Variants in RIMS2 observed in about 807,000 individuals in gnomAD.
RIMS2 encodes the protein regulating synaptic membrane exocytosis protein 2.
Under a neutral mutation model 174.4 loss-of-function variants are expected in RIMS2, and 59 were observed. The observed-to-expected ratio is 0.34, with a 90% CI of 0.27 to 0.42. The LOEUF (loss-of-function observed/expected upper bound fraction) is 0.42. Among genes scored for constraint, RIMS2 ranks in the 10% least tolerant of loss-of-function variants. The pLI, the probability that RIMS2 is intolerant of heterozygous loss-of-function variation, is 1.00. For synonymous variants in RIMS2, 606 were observed against 572.5 expected, an observed-to-expected ratio of 1.06 and a Z score of -0.84; for missense variants, 1,620 against 1,666.3, an observed-to-expected ratio of 0.97 and a Z score of 0.48.
intron 2 of RIMS2, among the ~76,000 whole-genome samples, chr8:103,754,148 C>G (rs566603685): frequency 2.2e-4 from 34 of 152,266 alleles, no homozygotes; most frequent in African/African-American, 7.2e-4. Context: ...TTATTGGTTT[C>G]AAAGAACATC....
intron 17 of RIMS2, among the ~76,000 whole-genome samples, chr8:104,009,019 G>A (rs1311902261): frequency 3.3e-5 from 5 of 151,926 alleles, no homozygotes; most frequent in South Asian, 2.1e-4. Context: ...CATTAGAAAC[G>A]ATGCTAAAAT....
chr8:103,808,511 CAG>C, intron 3 of RIMS2, among the ~76,000 whole-genome samples: 1 of 152,112 alleles, frequency 6.6e-6, no homozygotes, highest in East Asian at 1.9e-4. Flanking sequence ...TTCTGAACTG[CAG>C]AGTGACATAT....
chr8:103,736,528 A>AAT (rs1005887712), intron 2 of RIMS2, among the ~76,000 whole-genome samples: 1 of 152,196 alleles, frequency 6.6e-6, no homozygotes, highest in Non-Finnish European at 1.5e-5. Flanking sequence ...TATTAGTGAG[A>AAT]ATATGGCCTT....
Position 103,782,433 on chromosome 8 carries a change from C to CGTGTGTGT in RIMS2, c.698+15923_698+15930dup, listed in dbSNP as rs71297237. Among the ~76,000 whole-genome samples, 107 of 145,830 alleles carry CGTGTGTGT rather than the reference C, an allele frequency of 7.3e-4. 1 individual carries two copies. Among genetic ancestry groups the CGTGTGTGT allele is most frequent in the African/African-American group, 2.4e-3 (94 of 39,644 alleles). On this transcript the variant is annotated intron_variant, in intron 3 of 23. Coordinates refer to ENST00000504942, the Ensembl canonical transcript of RIMS2. Reference sequence around the variant, plus strand: ...AAATGCTATCATGATACATAAATCCCGTGTGTGTGTGTGTGTGTGTGTGTG... The same window carrying CGTGTGTGT: ...AAATGCTATCATGATACATAAATCCCGTGTGTGTGTGTGTGTGTGTGTGTGTGTGTGTG...
intron 1 of RIMS2, among the ~76,000 whole-genome samples, chr8:103,588,183 A>C (rs1334638009): frequency 1.3e-5 from 2 of 151,918 alleles, no homozygotes; most frequent in Admixed American, 1.3e-4. Flanking sequence ...CCTAGAAATT[A>C]GCTTAATCAA....
chr8:104,098,141 G>T (rs903891162), intron 19 of RIMS2, among the ~76,000 whole-genome samples: 6 of 152,066 alleles, frequency 3.9e-5, no homozygotes, highest in Non-Finnish European at 7.4e-5. Context: ...ATAGCAAAAA[G>T]TAAGTTCAAA....
intron 1 of RIMS2, among the ~76,000 whole-genome samples, chr8:103,505,021 T>C (rs1420198378): frequency 6.6e-6 from 1 of 151,814 alleles, no homozygotes; most frequent in East Asian, 1.9e-4. Context: ...TCGACTAATT[T>C]ATTTTTTATT....
intron 3 of RIMS2, chr8:103,819,647 A>G (rs2154472164): frequency 3.8e-6 from 6 of 1,569,962 alleles, no homozygotes; most frequent in South Asian, 1.2e-5. Context: ...GAGCCAAACT[A>G]TATTTTCTTT....
At chr8:103,660,905 A>G (rs922166425) in intron 1 of RIMS2, among the ~76,000 whole-genome samples, 2 of 152,254 alleles carry the variant, frequency 1.3e-5, no homozygotes, top group Admixed American at 1.3e-4. Context: ...CTTATAAGTA[A>G]TATAAAAAAT....
chr8:103,699,680 T>C (rs2137414058), intron 2 of RIMS2, among the ~76,000 whole-genome samples: 1 of 152,240 alleles, frequency 6.6e-6, no homozygotes, highest in South Asian at 2.1e-4. Flanking sequence ...GCTGAGATCA[T>C]TGCCTTGAAA....
At chr8:103,900,039 G>A (rs1477049342) in intron 4 of RIMS2, among the ~76,000 whole-genome samples, 1 of 151,508 alleles carries the variant, frequency 6.6e-6, no homozygotes, top group African/African-American at 2.4e-5. Flanking sequence ...TAGATGTGTG[G>A]TATTATTTCT....
intron 19 of RIMS2, among the ~76,000 whole-genome samples, chr8:104,023,250 T>A (rs72683151): frequency 0.13 from 19,471 of 152,020 alleles, 1,704 homozygotes; most frequent in Non-Finnish European, 0.19. Flanking sequence ...TTTTATCACA[T>A]AAAATGGGAA....
intron 3 of RIMS2, among the ~76,000 whole-genome samples, chr8:103,772,761 C>A (rs1338967168): frequency 6.6e-6 from 1 of 152,000 alleles, no homozygotes; most frequent in Admixed American, 6.6e-5. Flanking sequence ...ACAAATAGAT[C>A]AGTGAAACAG....
chr8:103,585,342 G>A (rs900135025), intron 1 of RIMS2, among the ~76,000 whole-genome samples: 1 of 152,130 alleles, frequency 6.6e-6, no homozygotes, highest in East Asian at 1.9e-4. Context: ...GATTCTTCTA[G>A]AACCAGAAAT....
intron 1 of RIMS2, among the ~76,000 whole-genome samples, chr8:103,688,657 T>C (rs2096972544): frequency 6.6e-6 from 1 of 152,060 alleles, no homozygotes; most frequent in African/African-American, 2.4e-5. Context: ...TATTCAGTTT[T>C]TTGGAAGAGT....
At chr8:104,103,472 A>T (rs182300165) in intron 19 of RIMS2, among the ~76,000 whole-genome samples, 1 of 152,336 alleles carries the variant, frequency 6.6e-6, no homozygotes. Context: ...TCTTCTATAA[A>T]TATGACTTTA....
At chr8:103,733,765 TC>T (rs773915066) in intron 2 of RIMS2, among the ~76,000 whole-genome samples, 2 of 152,108 alleles carry the variant, frequency 1.3e-5, no homozygotes, top group Non-Finnish European at 2.9e-5. Flanking sequence ...AGATTCTCTT[TC>T]CACACTTCAT....
chr8:104,056,983 T>C (rs561842394), intron 19 of RIMS2, among the ~76,000 whole-genome samples: 1 of 152,194 alleles, frequency 6.6e-6, no homozygotes, highest in African/African-American at 2.4e-5. Flanking sequence ...TCTGTGGTGG[T>C]TACTTCCACT....
At chr8:103,961,076 A>C in exon 15 of RIMS2, 2 of 1,484,282 alleles carry the variant, frequency 1.3e-6, no homozygotes, top group Non-Finnish European at 1.9e-6. Flanking sequence ...GTCAAAGAGA[A>C]TAAGTGATAG....
Sources: allele counts gnomAD v4.1 joint callset (sites outside exome capture counted in the v4.1 genomes callset), GRCh38; gene constraint gnomAD v4.1.1; transcripts MANE v1.5; gene names NCBI Gene and HGNC (gene_info 2026-07-23, HGNC 2026-07-21).